CAST: variants seen among roughly 807,000 people sequenced by gnomAD.
The protein encoded by CAST is calpastatin, also known as MIR583 host.
CAST carries 76 observed loss-of-function variants against 119.6 expected under a neutral mutation model. The ratio of observed to expected loss-of-function variants is 0.64; its 90% CI spans 0.53 to 0.77. CAST has a LOEUF of 0.77. CAST is among the 30% of genes least tolerant of loss of function. The pLI is 0.00. For synonymous variants in CAST, 319 were observed against 331.6 expected, an observed-to-expected ratio of 0.96 and a Z score of 0.41; for missense variants, 953 against 946.5, an observed-to-expected ratio of 1.01 and a Z score of -0.09.
the CAST span, among the ~76,000 whole-genome samples, chr5:96,465,671 C>A: frequency 6.6e-6 from 1 of 152,062 alleles, no homozygotes; most frequent in Non-Finnish European, 1.5e-5. Context: ...ATATTTTGAC[C>A]ACTGAGCAGA....
chr5:96,089,172 T>C, the CAST span, among the ~76,000 whole-genome samples: 1 of 150,952 alleles, frequency 6.6e-6, no homozygotes, highest in South Asian at 2.1e-4. Context: ...AAGGAGTAGG[T>C]GAACACATAG....
chr5:96,563,832 C>A (rs1746425353), intron 1 of CAST, among the ~76,000 whole-genome samples: 3 of 152,202 alleles, frequency 2.0e-5, no homozygotes, highest in Admixed American at 1.3e-4. Context: ...GTCTTCTGAG[C>A]CTAAACAGCC....
chr5:96,168,524 A>G, the CAST span, among the ~76,000 whole-genome samples: 9 of 152,156 alleles, frequency 5.9e-5, no homozygotes, highest in African/African-American at 1.2e-4. Flanking sequence ...TCAGCTTGCT[A>G]AGAGGTAGTG....
the CAST span, chr5:96,433,144 G>C: frequency 2.8e-6 from 3 of 1,082,800 alleles, no homozygotes; most frequent in Non-Finnish European, 4.2e-6. Context: ...TCGGGCTCTA[G>C]ACCACTCCTG....
chr5:96,119,922 TTA>T, the CAST span, among the ~76,000 whole-genome samples: 2 of 152,164 alleles, frequency 1.3e-5, no homozygotes, highest in Non-Finnish European at 2.9e-5. Context: ...AGAACCAGGA[TTA>T]TGTTTTTATC....
the CAST span, among the ~76,000 whole-genome samples, chr5:95,962,973 G>A: frequency 6.6e-6 from 1 of 152,154 alleles, no homozygotes; most frequent in East Asian, 1.9e-4. Flanking sequence ...TGTAGGCGTG[G>A]CTAAAAGAGG....
the CAST span, chr5:96,390,585 A>C: frequency 6.6e-6 from 1 of 152,642 alleles, no homozygotes; most frequent in Non-Finnish European, 1.5e-5. Context: ...GCCTTTCAAA[A>C]ATATTTTATT....
chr5:96,702,754 G>C (rs926742865), intron 3 of CAST: 1 of 984,926 alleles, frequency 1.0e-6, no homozygotes, highest in African/African-American at 1.7e-5. Flanking sequence ...GGGCAGGGGG[G>C]CGGGGAGCAT....
chr5:96,529,342 A>C (rs534337970), upstream of CAST, among the ~76,000 whole-genome samples: 162 of 151,094 alleles, frequency 1.1e-3, no homozygotes, highest in African/African-American at 3.8e-3. Context: ...TTCTGGTCTA[A>C]GCTGTGTTCA....
the CAST span, among the ~76,000 whole-genome samples, chr5:96,332,191 CA>C: frequency 1.8e-4 from 27 of 152,268 alleles, 2 homozygotes; most frequent in African/African-American, 6.5e-4. Flanking sequence ...AAACAAACCT[CA>C]GGGGTAGCCA....
intron 1 of CAST, among the ~76,000 whole-genome samples, chr5:96,598,630 A>G (rs1198448974): frequency 6.7e-6 from 1 of 149,842 alleles, no homozygotes; most frequent in African/African-American, 2.5e-5. Context: ...TCACTGAGAT[A>G]GTTAATTTTA....
chr5:96,756,570 C>G (rs72773906), intron 22 of CAST, among the ~76,000 whole-genome samples: 15,129 of 152,150 alleles, frequency 0.099, 987 homozygotes, highest in Middle Eastern at 0.16. Context: ...TTTGAGTTGT[C>G]AGGTCAGCAC....
chr5:96,636,409 A>T (rs1311037859), intron 1 of CAST, among the ~76,000 whole-genome samples: 1 of 152,164 alleles, frequency 6.6e-6, no homozygotes, highest in Non-Finnish European at 1.5e-5. Flanking sequence ...TAGGGTCAAA[A>T]ATCTATTTAA....
the CAST span, among the ~76,000 whole-genome samples, chr5:96,312,908 G>A: frequency 6.6e-6 from 1 of 151,954 alleles, no homozygotes; most frequent in South Asian, 2.1e-4. Flanking sequence ...CTCAAAGATG[G>A]TACATAACTA....
chr5:96,362,852 G>A, the CAST span, among the ~76,000 whole-genome samples: 112 of 152,208 alleles, frequency 7.4e-4, no homozygotes, highest in Admixed American at 1.6e-3. Flanking sequence ...GATCCCATTT[G>A]TCAATTTTGG....
rs1758518335 is a variant in CAST, at chr5:96,722,710, G to T, written c.270+12G>T. The T allele has an allele frequency of 1.3e-6, 2 of 1,595,634 alleles. No homozygotes were observed. Among genetic ancestry groups the T allele is most frequent in the African/African-American group, 2.7e-5 (2 of 74,608 alleles). ...CCACAGAAACCAAGGTATGAAGAAT[G>T]CTAATTGAGTGAGTGCTAATTTAAG... On this transcript the variant is annotated intron_variant, in intron 4 of 31. Coordinates refer to ENST00000675179, the MANE Select transcript of CAST (RefSeq NM_001750.7).
At chr5:96,167,985 G>T in the CAST span, among the ~76,000 whole-genome samples, 1 of 152,178 alleles carries the variant, frequency 6.6e-6, no homozygotes, top group African/African-American at 2.4e-5. Flanking sequence ...CCATGGGAAG[G>T]AAATGAGAGG....
the CAST span, among the ~76,000 whole-genome samples, chr5:96,418,268 G>A: frequency 3.5e-3 from 530 of 152,274 alleles, 2 homozygotes; most frequent in African/African-American, 0.012. Flanking sequence ...TCTAAGTGAG[G>A]TGCTGCAGTA....
chr5:96,410,901 G>A, the CAST span: 1 of 1,613,938 alleles, frequency 6.2e-7, no homozygotes, highest in Non-Finnish European at 8.5e-7. Flanking sequence ...GATGCTGTCT[G>A]TGTAGCCATC....
Sources: gnomAD v4.1 joint callset for allele counts (sites outside exome capture counted in the v4.1 genomes callset) on GRCh38, gnomAD v4.1.1 for gene constraint, MANE v1.5 for transcripts, NCBI Gene and HGNC (gene_info 2026-07-23, HGNC 2026-07-21) for gene names.